RNLS: variants seen among roughly 807,000 people sequenced by gnomAD.
The protein encoded by RNLS is renalase.
A neutral mutation model predicts 39.8 loss-of-function variants in RNLS; 39 were observed. The observed-to-expected ratio is 0.98, with a 90% CI of 0.76 to 1.28. The LOEUF (loss-of-function observed/expected upper bound fraction) is 1.28, where lower values mean the gene tolerates loss of function less well. RNLS is among the 50% of genes most tolerant of loss of function. The pLI is 0.00. For missense variants in RNLS, 410 were observed against 413.3 expected (o/e 0.99, Z 0.07); for synonymous variants, 147 against 150.7 (o/e 0.98, Z 0.18).
intron 5 of RNLS, among the ~76,000 whole-genome samples, chr10:88,354,182 C>T (rs1290519775): frequency 6.6e-6 from 1 of 152,118 alleles, no homozygotes; most frequent in Admixed American, 6.6e-5. Context: ...TTGCCAGTCT[C>T]TGTCTTTTGA....
chr10:88,442,332 T>C (rs904064094), intron 4 of RNLS, among the ~76,000 whole-genome samples: 1 of 152,226 alleles, frequency 6.6e-6, no homozygotes, highest in Non-Finnish European at 1.5e-5. Flanking sequence ...CTATATGAAA[T>C]ACCAAATTAA....
chr10:88,383,784 T>C (rs1008323505), intron 4 of RNLS, among the ~76,000 whole-genome samples: 1 of 152,174 alleles, frequency 6.6e-6, no homozygotes, highest in Non-Finnish European at 1.5e-5. Flanking sequence ...AATCATATGT[T>C]CATCAACAGA....
At chr10:88,182,826 G>A in the RNLS span, among the ~76,000 whole-genome samples, 2 of 151,976 alleles carry the variant, frequency 1.3e-5, no homozygotes, top group Non-Finnish European at 2.9e-5. Context: ...TGGGACTCTA[G>A]TCAGTGACCT....
At chr10:88,309,957 A>C (rs1845232494) in intron 6 of RNLS, among the ~76,000 whole-genome samples, 1 of 152,192 alleles carries the variant, frequency 6.6e-6, no homozygotes, top group Non-Finnish European at 1.5e-5. Flanking sequence ...TCATACTTAT[A>C]ATCCTAGCAT....
chr10:88,319,170 G>A (rs1264283998), intron 5 of RNLS, among the ~76,000 whole-genome samples: 1 of 151,942 alleles, frequency 6.6e-6, no homozygotes, highest in Non-Finnish European at 1.5e-5. Flanking sequence ...CACAATGAAG[G>A]ACCCATACAG....
At chr10:88,459,103 CT>C (rs34868471) in intron 4 of RNLS, among the ~76,000 whole-genome samples, 79,978 of 145,124 alleles carry the variant, frequency 0.55, 22,393 homozygotes, top group African/African-American at 0.74. Flanking sequence ...TTTCTTTTTT[CT>C]TTTTTTTTTT....
At chr10:88,383,922 C>A (rs917967318) in intron 4 of RNLS, among the ~76,000 whole-genome samples, 1 of 152,246 alleles carries the variant, frequency 6.6e-6, no homozygotes, top group East Asian at 1.9e-4. Flanking sequence ...GAAGCACTAA[C>A]TTTGAACCCC....
intron 4 of RNLS, among the ~76,000 whole-genome samples, chr10:88,385,750 G>A (rs1851823459): frequency 6.6e-6 from 1 of 152,202 alleles, no homozygotes; most frequent in African/African-American, 2.4e-5. Context: ...TTATGGTGTG[G>A]TGACTCTTTG....
intron 4 of RNLS, among the ~76,000 whole-genome samples, chr10:88,546,512 G>C (rs1848320786): frequency 6.6e-6 from 1 of 152,018 alleles, no homozygotes; most frequent in Non-Finnish European, 1.5e-5. Context: ...AGAGAATTAA[G>C]TTTTGCCCTT....
intron 4 of RNLS, among the ~76,000 whole-genome samples, chr10:88,557,588 G>C (rs950091364): frequency 1.3e-5 from 2 of 152,126 alleles, no homozygotes; most frequent in African/African-American, 4.8e-5. Flanking sequence ...CTTATCCAGT[G>C]AAGAATGCCA....
intron 4 of RNLS, among the ~76,000 whole-genome samples, chr10:88,388,333 C>T (rs1195709589): frequency 1.3e-5 from 2 of 152,170 alleles, no homozygotes; most frequent in African/African-American, 4.8e-5. Context: ...GGTTTCAATA[C>T]TTTCTGGCAC....
intron 6 of RNLS, among the ~76,000 whole-genome samples, chr10:88,300,634 A>T (rs1589494144): frequency 6.6e-6 from 1 of 152,184 alleles, no homozygotes; most frequent in African/African-American, 2.4e-5. Flanking sequence ...AAACTGTACT[A>T]TATCAGGATT....
At chr10:88,245,733 C>T in the RNLS span, among the ~76,000 whole-genome samples, 1 of 152,030 alleles carries the variant, frequency 6.6e-6, no homozygotes, top group Non-Finnish European at 1.5e-5. Flanking sequence ...TTCTGGTTCA[C>T]CACCTGGAAC....
At chr10:88,233,728 T>A in the RNLS span, among the ~76,000 whole-genome samples, 2 of 152,152 alleles carry the variant, frequency 1.3e-5, no homozygotes, top group Non-Finnish European at 2.9e-5. Flanking sequence ...GCCTGTTCCC[T>A]CTGTCTTGCT....
At chr10:88,513,894 G>GA (rs2134165916) in intron 4 of RNLS, among the ~76,000 whole-genome samples, 2 of 152,150 alleles carry the variant, frequency 1.3e-5, no homozygotes, top group African/African-American at 4.8e-5. Context: ...TACCAAAGAT[G>GA]AAAAGGGATC....
At chr10:88,207,087 A>T in the RNLS span, among the ~76,000 whole-genome samples, 1 of 152,184 alleles carries the variant, frequency 6.6e-6, no homozygotes, top group Non-Finnish European at 1.5e-5. Flanking sequence ...TTATCTAAAA[A>T]GAAAACAGAA....
intron 4 of RNLS, among the ~76,000 whole-genome samples, chr10:88,570,596 T>C (rs566491979): frequency 6.6e-6 from 1 of 152,250 alleles, no homozygotes; most frequent in African/African-American, 2.4e-5. Flanking sequence ...TGCAATGCAA[T>C]AGGATTATAA....
intron 3 of RNLS, among the ~76,000 whole-genome samples, chr10:88,575,050 G>A (rs1422764211): frequency 6.7e-6 from 1 of 148,792 alleles, no homozygotes; most frequent in African/African-American, 2.5e-5. Flanking sequence ...TAAGTTCACA[G>A]TCCTAGAAAA....
chr10:88,277,944 C>T (rs1451008517), intron 6 of RNLS, among the ~76,000 whole-genome samples: 1 of 152,170 alleles, frequency 6.6e-6, no homozygotes, highest in East Asian at 1.9e-4. Flanking sequence ...CCAAATTTAA[C>T]TTTTCACAAA....
Sources: allele counts gnomAD v4.1 joint callset (sites outside exome capture counted in the v4.1 genomes callset), GRCh38; gene constraint gnomAD v4.1.1; transcripts MANE v1.5; gene names NCBI Gene and HGNC (gene_info 2026-07-23, HGNC 2026-07-21).